The following LCOR variants were observed in gnomAD, a reference collection of about 807,000 sequenced individuals.
LCOR encodes the protein ligand dependent nuclear receptor corepressor.
A neutral mutation model predicts 64.4 loss-of-function variants in LCOR; 14 were observed. The ratio of observed to expected loss-of-function variants is 0.22; its 90% confidence interval spans 0.14 to 0.34. The LOEUF (loss-of-function observed/expected upper bound fraction) is 0.34. Ranked by LOEUF, LCOR falls within the 10% of genes least tolerant of loss-of-function variation. The pLI is 1.00. For synonymous variants in LCOR, 643 were observed against 642.5 expected (o/e 1.00, Z -0.01); for missense variants, 1,686 against 1,765.3 (o/e 0.96, Z 0.80).
intron 7 of LCOR, chr10:96,957,286 A>G: frequency 1.0e-6 from 1 of 985,166 alleles, no homozygotes; most frequent in Non-Finnish European, 1.2e-6. Context: ...ATGGTTGTTT[A>G]GCACACAGTT....
chr10:96,847,615 AT>A (rs1305795351), intron 2 of LCOR, among the ~76,000 whole-genome samples: 1 of 152,010 alleles, frequency 6.6e-6, no homozygotes, highest in South Asian at 2.1e-4. Context: ...CTAATTTTGT[AT>A]TTTTAGTAGA....
At chr10:96,933,231 A>G (rs1847293363) in intron 4 of LCOR, among the ~76,000 whole-genome samples, 1 of 152,192 alleles carries the variant, frequency 6.6e-6, no homozygotes, top group South Asian at 2.1e-4. Context: ...TGAGAATACT[A>G]GTTGTTTTTA....
Position 96,981,328 on chromosome 10 carries a change from G to A in LCOR, c.868G>A (p.Gly290Arg). 6.2e-7 allele frequency: 1 copy of A among 1,606,038 alleles called. No individual in the cohort carries two copies. Among genetic ancestry groups the A allele is most frequent in the Non-Finnish European group, 8.5e-7 (1 of 1,173,838 alleles). ...NFHHIPKILE[G>R]QTTGQEQDTN... is the part of the protein sequence containing the mutation. Reference sequence around the variant, plus strand: ...CCACCACATCCCTAAAATCTTGGAGGGGCAGACCACTGGACAAGAGCAAGA... The same window carrying A: ...CCACCACATCCCTAAAATCTTGGAGAGGCAGACCACTGGACAAGAGCAAGA... Residue 290 changes from glycine to arginine, a missense_variant, in exon 8 of 8, where the codon GGG (glycine) becomes AGG (arginine). Physicochemically the swap from Gly to Arg is moderately radical, Grantham distance 125. Around this residue, in one of 3 missense-constraint regions of LCOR, gnomAD observed 313 missense variants for 247.2 expected, o/e 1.27. Transcript: ENST00000421806.
At chr10:96,948,362 A>T (rs1165425332) in intron 5 of LCOR, among the ~76,000 whole-genome samples, 1 of 152,180 alleles carries the variant, frequency 6.6e-6, no homozygotes, top group African/African-American at 2.4e-5. Flanking sequence ...AGCAGCATCT[A>T]AGAACTTGTT....
chr10:96,943,537 T>C lies in LCOR; in HGVS notation c.-183-576T>C, dbSNP rs571088397. Among the ~76,000 whole-genome samples, 3 of 152,350 alleles carry C rather than the reference T, an allele frequency of 2.0e-5. No individual in the cohort carries two copies. In the South Asian group the frequency reaches 6.2e-4, roughly 32 times the overall value. ...ATGCTACTTTTGACCACTTAATCAA[T>C]TTACAACCCATTAAAGGTTTGAGAA... On this transcript the variant is annotated intron_variant, in intron 4 of 7. Transcript: ENST00000421806.
chr10:96,903,455 T>G (rs1323228138), intron 2 of LCOR, among the ~76,000 whole-genome samples: 1 of 152,088 alleles, frequency 6.6e-6, no homozygotes, highest in Non-Finnish European at 1.5e-5. Flanking sequence ...CAGTACAAGC[T>G]TGCATACAAG....
At chr10:96,972,725 G>A (rs946461654) in intron 7 of LCOR, among the ~76,000 whole-genome samples, 2 of 152,152 alleles carry the variant, frequency 1.3e-5, no homozygotes, top group Admixed American at 1.3e-4. Context: ...CTTATCTAGG[G>A]ATATTAAGCC....
At chr10:96,914,075 A>G (rs998875563) in intron 4 of LCOR, among the ~76,000 whole-genome samples, 1 of 152,244 alleles carries the variant, frequency 6.6e-6, no homozygotes, top group African/African-American at 2.4e-5. Flanking sequence ...CAGCTAGCTC[A>G]GGAGTCATGT....
intron 7 of LCOR, chr10:96,957,482 T>C (rs1398626182): frequency 3.0e-6 from 3 of 985,294 alleles, no homozygotes; most frequent in Non-Finnish European, 3.6e-6. Flanking sequence ...GCAAAACAAA[T>C]TCCACACCAC....
At chr10:96,943,850 C>A (rs1024656455) in intron 4 of LCOR, among the ~76,000 whole-genome samples, 1 of 151,376 alleles carries the variant, frequency 6.6e-6, no homozygotes, top group Non-Finnish European at 1.5e-5. Context: ...GGAAATTATC[C>A]CTCTGGCAGT....
At chr10:96,854,189 A>G (rs1845766332) in intron 2 of LCOR, among the ~76,000 whole-genome samples, 1 of 152,152 alleles carries the variant, frequency 6.6e-6, no homozygotes, top group Non-Finnish European at 1.5e-5. Context: ...CGTTGACTAA[A>G]TGAATATCTT....
intron 7 of LCOR, among the ~76,000 whole-genome samples, chr10:96,971,111 A>C (rs185335166): frequency 5.8e-4 from 88 of 152,328 alleles, no homozygotes; most frequent in African/African-American, 2.1e-3. Flanking sequence ...TAAAGCCATT[A>C]TGTAAACCAT....
At chr10:96,934,529 G>A (rs1847314994) in intron 4 of LCOR, among the ~76,000 whole-genome samples, 1 of 152,120 alleles carries the variant, frequency 6.6e-6, no homozygotes, top group Admixed American at 6.6e-5. Context: ...CAATCTAGGT[G>A]GCCCAGTCTC....
At chr10:96,859,277 T>C (rs919098773) in intron 2 of LCOR, among the ~76,000 whole-genome samples, 1 of 152,190 alleles carries the variant, frequency 6.6e-6, no homozygotes, top group Non-Finnish European at 1.5e-5. Context: ...TGGCACAATC[T>C]CGGCTCACTG....
chr10:96,904,191 G>A (rs1015566326), intron 2 of LCOR, among the ~76,000 whole-genome samples: 1 of 152,076 alleles, frequency 6.6e-6, no homozygotes, highest in Non-Finnish European at 1.5e-5. Context: ...AGTGTATGTC[G>A]AATAAATTAA....
At chr10:96,866,795 C>T (rs1187811267) in intron 2 of LCOR, among the ~76,000 whole-genome samples, 3 of 152,006 alleles carry the variant, frequency 2.0e-5, no homozygotes, top group East Asian at 3.9e-4. Context: ...AGGCTGGTCT[C>T]GAACTCCTGA....
chr10:96,868,673 C>T (rs1349808922), intron 2 of LCOR, among the ~76,000 whole-genome samples: 2 of 152,170 alleles, frequency 1.3e-5, no homozygotes, highest in African/African-American at 2.4e-5. Flanking sequence ...TCTAACCTTT[C>T]GTATCAGATC....
chr10:96,880,958 A>C (rs571899441), intron 2 of LCOR, among the ~76,000 whole-genome samples: 1 of 152,348 alleles, frequency 6.6e-6, no homozygotes, highest in East Asian at 1.9e-4. Context: ...CATAAGAAAA[A>C]TAAATTCATT....
chr10:96,962,136 A>G (rs767725919), intron 7 of LCOR: 1 of 152,086 alleles, frequency 6.6e-6, no homozygotes, highest in African/African-American at 2.4e-5. Context: ...AATAATTCTT[A>G]TTTTAAAAAA....
Sources: allele counts gnomAD v4.1 joint callset (sites outside exome capture counted in the v4.1 genomes callset), GRCh38; gene constraint gnomAD v4.1.1; regional missense constraint gnomAD v4.1.1; transcripts MANE v1.5; gene names NCBI Gene and HGNC (gene_info 2026-07-23, HGNC 2026-07-21).